The following MAP3K9 variants were observed in gnomAD, a reference collection of about 807,000 sequenced individuals.
MAP3K9 encodes mitogen-activated protein kinase kinase kinase 9.
MAP3K9 carries 46 observed loss-of-function variants against 95.8 expected under a neutral mutation model. The ratio of observed to expected loss-of-function variants is 0.48; its 90% CI spans 0.38 to 0.61. MAP3K9 has a LOEUF of 0.61. MAP3K9 is among the 20% of genes least tolerant of loss of function. The pLI, the probability that MAP3K9 is intolerant of heterozygous loss-of-function variation, is 0.00. For synonymous variants in MAP3K9, 533 were observed against 593.8 expected (o/e 0.90, Z 1.49); for missense variants, 1,296 against 1,474.3 (o/e 0.88, Z 1.98).
At chr14:70,778,086 T>TTTGTTG (rs141191354) in intron 2 of MAP3K9, among the ~76,000 whole-genome samples, 25 of 151,592 alleles carry the variant, frequency 1.6e-4, no homozygotes, top group Admixed American at 1.6e-3. Flanking sequence ...TTTTTTGTTG[T>TTTGTTG]TTGTTGTTGT....
chr14:70,740,689 G>A lies in MAP3K9; in HGVS notation c.1568-525C>T, dbSNP rs1008028745. Among the ~76,000 whole-genome samples, 4 of 152,172 alleles carry A rather than the reference G, an allele frequency of 2.6e-5. No individual in the cohort carries two copies. The East Asian group carries it at 5.8e-4, about 22-fold the overall frequency. The stretch of plus-strand genomic sequence containing the variant: ...GGCTCCAATTCGGACACATTCCAAA[G>A]GAAGTTACAGTACAGCATAAAGAAT... On this transcript the variant is annotated intron_variant, in intron 6 of 11. Transcript: ENST00000554752.
rs2054087205 is a variant in MAP3K9, at chr14:70,742,553, T to C, written c.1365A>G (p.Ala455=). The change falls in exon 6 of 12, where the codon GCA becomes GCG. Residue 455 remains alanine, a synonymous_variant. Transcript: ENST00000554752. ...RTWEEELTRA[A]LQQKNQEELL... is the part of the protein sequence containing the mutation. ...GTTCCTCCTGGTTCTTCTGCTGCAGTGCAGCCCGCGTCAGCTCCTCCTCCC... is the reference window on the plus strand; with the variant it reads ...GTTCCTCCTGGTTCTTCTGCTGCAGCGCAGCCCGCGTCAGCTCCTCCTCCC... 2 of 1,614,178 alleles carry C rather than the reference T, an allele frequency of 1.2e-6. No individual in the cohort carries two copies. The highest frequency in any genetic ancestry group is 1.7e-6 in the Non-Finnish European group (2 of 1,180,032).
Position 70,729,523 on chromosome 14 carries a change from T to C in MAP3K9, c.*857A>G, listed in dbSNP as rs1487344408. On this transcript the variant is annotated 3_prime_UTR_variant, in exon 12 of 12. Transcript: ENST00000554752. ...GTGAGTGAGTCCCCCAAGAAACTATTCCTGGGATGAGCAGATGATTGTATC... is the reference window on the plus strand; with the variant it reads ...GTGAGTGAGTCCCCCAAGAAACTATCCCTGGGATGAGCAGATGATTGTATC... The C allele has an allele frequency of 6.6e-6, 1 of 152,090 alleles. No individual in the cohort carries two copies. The highest frequency in any genetic ancestry group is 1.9e-4 in the East Asian group (1 of 5,184). 9.4% of individuals were successfully genotyped at this position (152,090 alleles called of 1,614,324 possible).
At chr14:70,761,642 T>C (rs1358958860) in intron 2 of MAP3K9, among the ~76,000 whole-genome samples, 2 of 152,188 alleles carry the variant, frequency 1.3e-5, no homozygotes, top group Non-Finnish European at 2.9e-5. Flanking sequence ...TGCACGCCAG[T>C]GACTCTCAAT....
intron 3 of MAP3K9, 145 bp from the exon 4 acceptor site, chr14:70,750,226 G>A (rs1359365192): frequency 2.4e-5 from 20 of 837,800 alleles, no homozygotes; most frequent in Non-Finnish European, 2.5e-5. Flanking sequence ...GATATAAAAG[G>A]GAAACCATAA....
intron 3 of MAP3K9, among the ~76,000 whole-genome samples, chr14:70,752,144 G>A (rs764434083): frequency 6.6e-6 from 1 of 152,120 alleles, no homozygotes; most frequent in Non-Finnish European, 1.5e-5. Flanking sequence ...GTCTTGACTC[G>A]TCTAGACAGG....
chr14:70,797,645 G>A (rs977209025), intron 2 of MAP3K9, among the ~76,000 whole-genome samples: 1 of 152,106 alleles, frequency 6.6e-6, no homozygotes, highest in African/African-American at 2.4e-5. Flanking sequence ...GGCCGAGGCA[G>A]GAGAATTACT....
chr14:70,743,509 C>A (rs376771169), intron 5 of MAP3K9, among the ~76,000 whole-genome samples: 4 of 149,120 alleles, frequency 2.7e-5, no homozygotes, highest in African/African-American at 9.9e-5. Context: ...AACAAATTTA[C>A]AAGAAAAAAA....
chr14:70,783,027 TG>T (rs1424251771), intron 2 of MAP3K9, among the ~76,000 whole-genome samples: 3 of 152,230 alleles, frequency 2.0e-5, no homozygotes, highest in Non-Finnish European at 4.4e-5. Flanking sequence ...TGAATGCCCA[TG>T]TAAGGAAAAG....
At chr14:70,762,044 T>A (rs2054383004) in intron 2 of MAP3K9, among the ~76,000 whole-genome samples, 2 of 152,200 alleles carry the variant, frequency 1.3e-5, no homozygotes, top group Admixed American at 1.3e-4. Context: ...ACTGAACATG[T>A]TTTCAAGTTC....
intron 2 of MAP3K9, among the ~76,000 whole-genome samples, chr14:70,765,971 G>T (rs969694485): frequency 1.2e-4 from 18 of 151,910 alleles, no homozygotes; most frequent in Admixed American, 5.2e-4. Context: ...GTAAGTCAAT[G>T]GGGGCCTGGC....
intron 9 of MAP3K9, among the ~76,000 whole-genome samples, chr14:70,735,000 T>C (rs1423714892): frequency 6.6e-6 from 1 of 152,226 alleles, no homozygotes; most frequent in African/African-American, 2.4e-5. Context: ...ATGGCATGCT[T>C]AGGCAACTTT....
At position 70,738,213 on chromosome 14, in the gene MAP3K9, AG is replaced by A. The variant is rs376265602; in HGVS notation, c.1844+31del. ...TTTAAATGGTACATCCATCTTCAAG[AG>A]AGAAAGAATTTCATGTCATCTGGCA... On this transcript the variant is annotated intron_variant, in intron 8 of 11. Coordinates refer to ENST00000554752, the MANE Select transcript of MAP3K9 (RefSeq NM_001284230.2). 17 of 1,580,284 alleles carry A rather than the reference AG, an allele frequency of 1.1e-5. No individual in the cohort carries two copies. In the African/African-American group the frequency reaches 1.9e-4, roughly 18 times the overall value.
At chr14:70,758,963 A>G (rs1276863419) in intron 3 of MAP3K9, among the ~76,000 whole-genome samples, 1 of 152,210 alleles carries the variant, frequency 6.6e-6, no homozygotes, top group Non-Finnish European at 1.5e-5. Flanking sequence ...TCTTGAAAAC[A>G]TTATGCTAAA....
At chr14:70,775,864 T>C (rs1172628310) in intron 2 of MAP3K9, among the ~76,000 whole-genome samples, 1 of 152,190 alleles carries the variant, frequency 6.6e-6, no homozygotes, top group Non-Finnish European at 1.5e-5. Flanking sequence ...TAGGCTTTTA[T>C]ATTTAAATGA....
chr14:70,770,040 G>A (rs1051128596), intron 2 of MAP3K9, among the ~76,000 whole-genome samples: 2 of 152,148 alleles, frequency 1.3e-5, no homozygotes, highest in African/African-American at 4.8e-5. Context: ...AATTCCCATG[G>A]AATTTACAAG....
At chr14:70,791,077 G>A (rs910149723) in intron 2 of MAP3K9, among the ~76,000 whole-genome samples, 3 of 152,188 alleles carry the variant, frequency 2.0e-5, no homozygotes, top group East Asian at 1.9e-4. Context: ...TGGTTGGGAG[G>A]GATGTGGGGA....
chr14:70,730,705 G>T lies in MAP3K9; in HGVS notation c.2990C>A (p.Pro997His). Residue 997 changes from proline to histidine, a missense_variant, in exon 12 of 12, where the codon CCT becomes CAT. Pro to His is a moderately conservative substitution (Grantham distance 77). Coordinates refer to ENST00000554752, the MANE Select transcript of MAP3K9 (RefSeq NM_001284230.2). ...KTLEFLPRPR[P>H]SANRQRLDPW... ...GTCCAGCCGTTGCCGGTTGGCAGAA[G>T]GACGCGGCCGAGGCAGAAACTCCAG... The T allele has an allele frequency of 6.2e-7, 1 of 1,613,876 alleles. No individual in the cohort carries two copies. The highest frequency in any genetic ancestry group is 1.3e-5 in the African/African-American group (1 of 75,030).
chr14:70,809,361 G>A lies in MAP3K9; in HGVS notation c.-190C>T, dbSNP rs541403900. ...TACCGCGGTACGAGAAGAGCGCCGA[G>A]CGCGAGCTCTTCGCGCAGCCTAGGG... On this transcript the variant is annotated 5_prime_UTR_variant, in exon 1 of 12. Transcript: ENST00000554752. 27 of 675,864 alleles carry A rather than the reference G, an allele frequency of 4.0e-5. No individual in the cohort carries two copies. The East Asian group carries it at 9.0e-4, about 23-fold the overall frequency. The allele number at this position is 675,864 out of a possible 1,614,324, so 41.9% of individuals were successfully genotyped here.
Sources: allele counts gnomAD v4.1 joint callset (sites outside exome capture counted in the v4.1 genomes callset), GRCh38; gene constraint gnomAD v4.1.1; transcripts MANE v1.5; gene names NCBI Gene and HGNC (gene_info 2026-07-23, HGNC 2026-07-21).